PUS7L: variants seen among roughly 807,000 people sequenced by gnomAD.
PUS7L encodes pseudouridylate synthase PUS7L.
In PUS7L, 49 loss-of-function variants were observed where a neutral mutation model predicts 51.1. That is an observed-to-expected ratio of 0.96 (90% CI 0.76 to 1.22). PUS7L has a LOEUF of 1.22. Ranked by LOEUF, PUS7L falls within the 50% of genes most tolerant of loss-of-function variation. The pLI is 0.00. For missense variants in PUS7L, 828 were observed against 820.6 expected, an observed-to-expected ratio of 1.01 and a Z score of -0.11; for synonymous variants, 277 against 276.2, an observed-to-expected ratio of 1.00 and a Z score of -0.03.
At chr12:43,747,323 T>C (rs1938217026) in intron 3 of PUS7L, among the ~76,000 whole-genome samples, 1 of 152,164 alleles carries the variant, frequency 6.6e-6, no homozygotes, top group South Asian at 2.1e-4. Context: ...TTTCATGACA[T>C]AAATTTTCAT....
chr12:43,730,227 C>T lies in PUS7L; in HGVS notation c.*149G>A, dbSNP rs571054043. On this transcript the variant is annotated 3_prime_UTR_variant, in exon 9 of 9. Transcript: ENST00000344862. ...CACTTACATATCCTCTATAAAATTA[C>T]AGTATCAAATCCTAACTTCTCAGGA... The T allele has an allele frequency of 4.0e-5, 25 of 621,564 alleles. No homozygotes were observed. In the East Asian group the frequency reaches 6.6e-4, roughly 16 times the overall value. 38.5% of individuals were successfully genotyped at this position (621,564 alleles called of 1,614,324 possible).
rs1319166616 is a variant in PUS7L at position 43,722,159 on chromosome 12, G to C, written c.*8217C>G. 1 of 152,112 alleles carries C rather than the reference G, an allele frequency of 6.6e-6. No individual in the cohort carries two copies. The highest frequency in any genetic ancestry group is 1.5e-5 in the Non-Finnish European group (1 of 67,994). The allele number at this position is 152,112 out of a possible 1,614,324, so 9.4% of individuals were successfully genotyped here. On this transcript the variant is annotated 3_prime_UTR_variant, in exon 9 of 9. Transcript: ENST00000344862. ...GTATTTGTGAAACAGCTGTAACAAA[G>C]GGTATGTACTATGGAGTAGTGACAG...
intron 1 of PUS7L, among the ~76,000 whole-genome samples, chr12:43,756,744 TG>T (rs1457195236): frequency 1.3e-5 from 2 of 152,212 alleles, no homozygotes; most frequent in Non-Finnish European, 2.9e-5. Flanking sequence ...CTGATTCTTA[TG>T]ACTCCCAATG....
At chr12:43,738,695 CATTCTT>C (rs1365673668) in intron 5 of PUS7L, 1 of 304,128 alleles carries the variant, frequency 3.3e-6, no homozygotes, top group Non-Finnish European at 6.2e-6. Context: ...AATGTATTGA[CATTCTT>C]AGTAAGGTGT....
Position 43,746,159 on chromosome 12 carries a change from G to T in PUS7L, c.1150C>A (p.Leu384Ile). The T allele has an allele frequency of 6.5e-7, 1 of 1,528,924 alleles. No individual in the cohort carries two copies. The allele number at this position is 1,528,924 out of a possible 1,614,324, so 94.7% of individuals were successfully genotyped here. The change falls in exon 4 of 9, where the codon CTT becomes ATT. Residue 384 changes from leucine (L) to isoleucine (I), a missense_variant. Transcript: ENST00000344862. ...AAGTGATTTCCTTTGAGCTGACCAAGTCTCAGGGAATCATCTACAGACCGA... is the reference window on the plus strand; with the variant it reads ...AAGTGATTTCCTTTGAGCTGACCAATTCTCAGGGAATCATCTACAGACCGA... ...NIRSVDDSLR[L>I]GQLKGNHFDI... is the part of the protein sequence containing the mutation.
intron 6 of PUS7L, 135 bp downstream of exon 6, chr12:43,738,175 G>C: frequency 1.7e-6 from 1 of 600,074 alleles, no homozygotes; most frequent in Non-Finnish European, 2.9e-6. Context: ...TGTAATAAAA[G>C]TGTTCAGTAT....
chr12:43,751,667 T>C (rs1174239018), intron 2 of PUS7L, among the ~76,000 whole-genome samples: 1 of 152,184 alleles, frequency 6.6e-6, no homozygotes, highest in African/African-American at 2.4e-5. Context: ...TACGTGTGCA[T>C]GTGTCTTTAT....
intron 3 of PUS7L, among the ~76,000 whole-genome samples, chr12:43,747,811 C>T (rs1011503571): frequency 3.9e-5 from 6 of 152,162 alleles, no homozygotes; most frequent in Non-Finnish European, 7.4e-5. Flanking sequence ...TTTTTTGAGA[C>T]GGAGTCTCGC....
Position 43,723,078 on chromosome 12 carries a change from T to C in PUS7L, c.*7298A>G, listed in dbSNP as rs975833895. On this transcript the variant is annotated 3_prime_UTR_variant, in exon 9 of 9. Coordinates refer to ENST00000344862, the MANE Select transcript of PUS7L (RefSeq NM_031292.5). ...CTAACAAAAAAGACAATTTAATATA[T>C]CTTATATTTTGTAATATGTTCTAAA... The C allele has an allele frequency of 6.6e-6, 1 of 152,106 alleles. No homozygotes were observed. Among genetic ancestry groups the C allele is most frequent in the Non-Finnish European group, 1.5e-5 (1 of 67,960 alleles). 9.4% of individuals were successfully genotyped at this position (152,106 alleles called of 1,614,324 possible).
intron 7 of PUS7L, 97 bp from the exon 8 acceptor site, chr12:43,731,855 C>G: frequency 1.4e-6 from 1 of 716,048 alleles, no homozygotes. Flanking sequence ...TAAATCAGTT[C>G]CTATGCTGAA....
Position 43,722,246 on chromosome 12 carries a change from G to T in PUS7L, c.*8130C>A, listed in dbSNP as rs1240256340. On this transcript the variant is annotated 3_prime_UTR_variant, in exon 9 of 9. Transcript: ENST00000344862. ...TAAATGTGTTATGTTGAGGGGTTTG[G>T]ACTGTTACTGCATAGATACTGGAAA... The T allele has an allele frequency of 2.0e-5, 3 of 152,102 alleles. No individual in the cohort carries two copies. The highest frequency in any genetic ancestry group is 4.4e-5 in the Non-Finnish European group (3 of 68,014). 9.4% of individuals were successfully genotyped at this position (152,102 alleles called of 1,614,324 possible). A position where few individuals can be genotyped will look rare whatever the true frequency, so the allele number is the denominator to read the frequency against.
chr12:43,752,435 C>T (rs1938499375), intron 2 of PUS7L, among the ~76,000 whole-genome samples: 1 of 152,220 alleles, frequency 6.6e-6, no homozygotes, highest in Non-Finnish European at 1.5e-5. Context: ...AGTTCCAAGG[C>T]TGAATGCTTA....
chr12:43,739,552 GCCT>G (rs1458321647), intron 5 of PUS7L: 1 of 152,368 alleles, frequency 6.6e-6, no homozygotes, highest in Admixed American at 6.5e-5. Context: ...TCTTGCCTCA[GCCT>G]CCTGAGTAGC....
chr12:43,752,460 C>T (rs538886172), intron 2 of PUS7L, among the ~76,000 whole-genome samples: 1 of 152,186 alleles, frequency 6.6e-6, no homozygotes, highest in Non-Finnish European at 1.5e-5. Context: ...GTAAATATCA[C>T]GTGTGCTTTA....
intron 5 of PUS7L, among the ~76,000 whole-genome samples, chr12:43,740,073 G>A (rs541970761): frequency 6.6e-6 from 1 of 152,086 alleles, no homozygotes; most frequent in South Asian, 2.1e-4. Flanking sequence ...AAATTCTTTG[G>A]ACTTAAAAAT....
At chr12:43,746,510 C>T (rs562451424) in intron 3 of PUS7L, among the ~76,000 whole-genome samples, 21 of 152,278 alleles carry the variant, frequency 1.4e-4, no homozygotes, top group African/African-American at 4.6e-4. Context: ...CTCCTTAGCT[C>T]GAGTGACAGA....
Position 43,730,350 on chromosome 12 carries a change from A to C in PUS7L, c.*26T>G. On this transcript the variant is annotated 3_prime_UTR_variant, in exon 9 of 9. Transcript: ENST00000344862. Reference sequence around the variant, plus strand: ...CCCTTTCCTTCAAAGAGTGACATATATATGGTTATACCAAGGGTATCAGTT... The same window carrying C: ...CCCTTTCCTTCAAAGAGTGACATATCTATGGTTATACCAAGGGTATCAGTT... 1 of 1,570,218 alleles carries C rather than the reference A, an allele frequency of 6.4e-7. No homozygotes were observed. Among genetic ancestry groups the C allele is most frequent in the Middle Eastern group, 1.7e-4 (1 of 5,758 alleles).
intron 1 of PUS7L, 22 bp from the exon 2 acceptor site, chr12:43,755,283 T>C: frequency 6.9e-7 from 1 of 1,447,534 alleles, no homozygotes; most frequent in Non-Finnish European, 9.3e-7. Context: ...AACAAAGAGG[T>C]GGTTAGTTAA....
At chr12:43,755,282 G>T in intron 1 of PUS7L, 21 bp from the exon 2 acceptor site, 1 of 1,453,088 alleles carries the variant, frequency 6.9e-7, no homozygotes. Context: ...AAACAAAGAG[G>T]TGGTTAGTTA....
Sources: gnomAD v4.1 joint callset for allele counts (sites outside exome capture counted in the v4.1 genomes callset) on GRCh38, gnomAD v4.1.1 for gene constraint, MANE v1.5 for transcripts, NCBI Gene and HGNC (gene_info 2026-07-23, HGNC 2026-07-21) for gene names.